The following LCORL variants were observed in gnomAD, a reference collection of about 807,000 sequenced individuals.
The protein encoded by LCORL is ligand dependent nuclear receptor corepressor like.
A neutral mutation model predicts 141.8 loss-of-function variants in LCORL; 41 were observed. The observed-to-expected ratio is 0.29, with a 90% CI of 0.23 to 0.38. LCORL has a LOEUF of 0.38. Ranked by LOEUF, LCORL falls within the 10% of genes least tolerant of loss-of-function variation. LCORL has a pLI of 1.00. For missense variants in LCORL, 1,759 were observed against 2,035.0 expected (o/e 0.86, Z 2.61); for synonymous variants, 618 against 694.1 (o/e 0.89, Z 1.72).
chr4:17,992,686 A>G (rs1720232993), intron 1 of LCORL, among the ~76,000 whole-genome samples: 1 of 152,206 alleles, frequency 6.6e-6, no homozygotes, highest in Non-Finnish European at 1.5e-5. Context: ...TGACCTCCAT[A>G]ACAAACAGAC....
chr4:17,951,965 G>T (rs768167227), intron 4 of LCORL, among the ~76,000 whole-genome samples: 10 of 152,122 alleles, frequency 6.6e-5, no homozygotes, highest in Admixed American at 1.3e-4. Flanking sequence ...GATACAGTTG[G>T]TAAATTCATG....
intron 4 of LCORL, among the ~76,000 whole-genome samples, chr4:17,934,778 G>C: frequency 6.6e-6 from 1 of 152,084 alleles, no homozygotes; most frequent in East Asian, 1.9e-4. Context: ...CCTTCATCTG[G>C]CACTTCTTTA....
At chr4:17,990,184 C>T (rs1394969559) in intron 1 of LCORL, among the ~76,000 whole-genome samples, 5 of 150,884 alleles carry the variant, frequency 3.3e-5, no homozygotes, top group South Asian at 2.1e-4. Context: ...CTGCAAGCTC[C>T]GCCTCCTGGG....
intron 6 of LCORL, chr4:17,880,639 T>C: frequency 1.0e-6 from 1 of 983,580 alleles, no homozygotes; most frequent in Non-Finnish European, 1.2e-6. Flanking sequence ...ACTGAATGAG[T>C]AAATCAATCA....
exon 8 of LCORL, chr4:17,843,442 G>C: frequency 6.2e-7 from 1 of 1,609,036 alleles, no homozygotes; most frequent in Non-Finnish European, 8.5e-7. Flanking sequence ...CGATGGAGGT[G>C]GAATCCTTTA....
At chr4:18,002,356 T>G (rs532909660) in intron 1 of LCORL, among the ~76,000 whole-genome samples, 253 of 152,188 alleles carry the variant, frequency 1.7e-3, no homozygotes, top group Admixed American at 4.9e-3. Context: ...CAAAATGCAT[T>G]TCATATACAA....
chr4:17,929,935 T>C (rs1735737657), intron 4 of LCORL, among the ~76,000 whole-genome samples: 1 of 152,048 alleles, frequency 6.6e-6, no homozygotes, highest in African/African-American at 2.4e-5. Context: ...ATTTGAAAAA[T>C]GGGCAAATGA....
rs143624450 is a variant in LCORL at position 17,973,513 on chromosome 4, T to G, written c.155-628A>C. 1.7e-3 allele frequency among the ~76,000 whole-genome samples: 257 copies of G among 152,006 alleles called. 1 individual carries two copies. Among genetic ancestry groups the G allele is most frequent in the Admixed American group, 4.6e-3 (70 of 15,264 alleles). ...CTTTCTGGATATACTAGTTTTAAGA[T>G]TTTACAATTTTCAACTTTGAAGTCT... On this transcript the variant is annotated intron_variant, in intron 1 of 7. Coordinates refer to ENST00000635767, the Ensembl canonical transcript of LCORL.
chr4:17,971,682 T>G (rs542620695), intron 2 of LCORL, among the ~76,000 whole-genome samples: 18 of 151,684 alleles, frequency 1.2e-4, no homozygotes, highest in Non-Finnish European at 2.5e-4. Flanking sequence ...CAAAAAATCC[T>G]TTTCCCAACC....
chr4:17,891,690 A>G (rs1002745505), intron 5 of LCORL, among the ~76,000 whole-genome samples: 4 of 152,208 alleles, frequency 2.6e-5, no homozygotes, highest in Non-Finnish European at 5.9e-5. Flanking sequence ...AAATGCTACT[A>G]TAACATTTTT....
At chr4:18,000,422 A>C (rs1239453346) in intron 1 of LCORL, among the ~76,000 whole-genome samples, 2 of 152,210 alleles carry the variant, frequency 1.3e-5, no homozygotes, top group Non-Finnish European at 2.9e-5. Context: ...AAATCTAGAC[A>C]ACTAAAATGA....
At chr4:17,902,193 C>G (rs1377400547) in intron 5 of LCORL, among the ~76,000 whole-genome samples, 1 of 151,948 alleles carries the variant, frequency 6.6e-6, no homozygotes, top group African/African-American at 2.4e-5. Context: ...GGGCTGGTTC[C>G]TGGAGTTTAG....
At position 18,021,552 on chromosome 4, in the gene LCORL, G is replaced by T. The variant is rs1051049171; in HGVS notation, c.154+46C>A. The T allele has an allele frequency of 6.7e-7, 1 of 1,485,698 alleles. No individual in the cohort carries two copies. The highest frequency in any genetic ancestry group is 1.5e-5 in the African/African-American group (1 of 67,944). The allele number at this position is 1,485,698 out of a possible 1,614,324, so 92.0% of individuals were successfully genotyped here. ...GCCACAAACTCCTCGGGCTGCGACA[G>T]CGGTCGCCGCGCGGAGCCCGGGGCC... On this transcript the variant is annotated intron_variant, in intron 1 of 7. Coordinates refer to ENST00000635767, the Ensembl canonical transcript of LCORL. The surrounding 1 kb of genome is among the most constrained non-coding windows in gnomAD (Gnocchi z 5.5).
chr4:17,912,677 G>A (rs1732762150), intron 4 of LCORL: 1 of 389,980 alleles, frequency 2.6e-6, no homozygotes, highest in Non-Finnish European at 5.0e-6. Flanking sequence ...GAGGGAGGTG[G>A]AGGCCTGCTA....
chr4:17,880,662 G>A (rs992062502), intron 6 of LCORL: 46 of 982,810 alleles, frequency 4.7e-5, no homozygotes, highest in Non-Finnish European at 5.4e-5. Context: ...CACCAACAGT[G>A]TTGTAAATTT....
chr4:17,886,121 T>A, exon 6 of LCORL: 1 of 1,606,998 alleles, frequency 6.2e-7, no homozygotes, highest in Non-Finnish European at 8.5e-7. Flanking sequence ...CTTCAGATTT[T>A]ATGCTGGTTT....
intron 4 of LCORL, among the ~76,000 whole-genome samples, chr4:17,958,223 A>C (rs1488529360): frequency 6.6e-6 from 1 of 151,798 alleles, no homozygotes. Flanking sequence ...ATCCATCAAG[A>C]AGGTCCTTCA....
chr4:17,979,183 T>C (rs1717547801), intron 1 of LCORL, among the ~76,000 whole-genome samples: 2 of 152,192 alleles, frequency 1.3e-5, no homozygotes, highest in Non-Finnish European at 2.9e-5. Flanking sequence ...GCAAGCCCAC[T>C]GGGCTCTTTT....
chr4:17,884,514 T>C lies in LCORL; in HGVS notation c.776+1554A>G. 1 of 1,535,676 alleles carries C rather than the reference T, an allele frequency of 6.5e-7. No individual in the cohort carries two copies. Among genetic ancestry groups the C allele is most frequent in the Non-Finnish European group, 8.8e-7 (1 of 1,141,856 alleles). ...TGCAGCACTGCACAAGTTTCTTTAC[T>C]GTCCTTATATGAATAACTATCATGG... On this transcript the variant is annotated intron_variant, in intron 6 of 7. Coordinates refer to ENST00000635767, the Ensembl canonical transcript of LCORL. This position sits in a 1 kb window ranked among gnomAD's most constrained non-coding sequence, Gnocchi z 4.4.
Sources: allele counts gnomAD v4.1 joint callset (sites outside exome capture counted in the v4.1 genomes callset), GRCh38; gene constraint gnomAD v4.1.1; non-coding constraint Gnocchi (gnomAD v3.1); transcripts MANE v1.5; gene names NCBI Gene and HGNC (gene_info 2026-07-23, HGNC 2026-07-21).